Variants in KCNMB2 observed in about 807,000 individuals in gnomAD.
The protein encoded by KCNMB2 is calcium-activated potassium channel subunit beta-2.
Under a neutral mutation model 24.5 loss-of-function variants are expected in KCNMB2, and 9 were observed. The observed-to-expected ratio is 0.37, with a 90% confidence interval of 0.22 to 0.64. The LOEUF (loss-of-function observed/expected upper bound fraction) is 0.64, where lower values mean the gene tolerates loss of function less well. Among genes scored for constraint, KCNMB2 ranks in the 30% least tolerant of loss-of-function variants. KCNMB2 has a pLI of 0.63. For missense variants in KCNMB2, 226 were observed against 284.3 expected (o/e 0.79, Z 1.47); for synonymous variants, 109 against 104.4 (o/e 1.04, Z -0.27).
chr3:178,620,946 T>C lies in KCNMB2; in HGVS notation c.-68+84235T>C, dbSNP rs116622255. 7.8e-3 allele frequency among the ~76,000 whole-genome samples: 1,193 copies of C among 152,318 alleles called. 12 individuals carry two copies. Among genetic ancestry groups the C allele is most frequent in the African/African-American group, 0.027 (1,129 of 41,566 alleles). ...TTGAGATATAAGACCCAAAGCAGTT[T>C]GAAGCCAAATTGAAATTATCACTGT... On this transcript the variant is annotated intron_variant, in intron 1 of 4. Transcript: ENST00000452583.
chr3:178,702,736 C>T (rs1361545753), intron 1 of KCNMB2, among the ~76,000 whole-genome samples: 2 of 152,150 alleles, frequency 1.3e-5, no homozygotes, highest in Non-Finnish European at 2.9e-5. Flanking sequence ...GGATATGAAC[C>T]GAGTCTGAGA....
At chr3:178,777,906 A>C (rs541432854) in intron 1 of KCNMB2, among the ~76,000 whole-genome samples, 2 of 152,146 alleles carry the variant, frequency 1.3e-5, no homozygotes, top group Non-Finnish European at 2.9e-5. Context: ...TGATGAGTAA[A>C]ATACAGATCT....
chr3:178,769,385 C>A (rs1203793759), intron 1 of KCNMB2, among the ~76,000 whole-genome samples: 2 of 152,088 alleles, frequency 1.3e-5, no homozygotes, highest in East Asian at 1.9e-4. Context: ...GACCAGCAAC[C>A]CTCTGCTGGG....
intron 1 of KCNMB2, among the ~76,000 whole-genome samples, chr3:178,566,708 T>C (rs1716535423): frequency 1.3e-5 from 2 of 152,202 alleles, no homozygotes; most frequent in Non-Finnish European, 2.9e-5. Flanking sequence ...TTTAGATAAA[T>C]GTGTACAAAT....
At chr3:178,695,256 C>T (rs1721832974) in intron 1 of KCNMB2, among the ~76,000 whole-genome samples, 3 of 152,302 alleles carry the variant, frequency 2.0e-5, no homozygotes, top group Admixed American at 6.5e-5. Flanking sequence ...GCAGGGGGGC[C>T]CTGGACTCAG....
At chr3:178,556,561 C>T (rs944860216) in intron 1 of KCNMB2, among the ~76,000 whole-genome samples, 2 of 152,138 alleles carry the variant, frequency 1.3e-5, no homozygotes, top group Non-Finnish European at 2.9e-5. Flanking sequence ...CCTGCCACCA[C>T]GCCCAGCTAA....
At chr3:178,609,193 G>C (rs1718387371) in intron 1 of KCNMB2, among the ~76,000 whole-genome samples, 1 of 152,160 alleles carries the variant, frequency 6.6e-6, no homozygotes, top group African/African-American at 2.4e-5. Flanking sequence ...TTTAACTGTG[G>C]TGACATGATA....
chr3:178,690,048 A>G (rs370071939), intron 1 of KCNMB2, among the ~76,000 whole-genome samples: 10 of 152,226 alleles, frequency 6.6e-5, no homozygotes, highest in Non-Finnish European at 1.3e-4. Context: ...TTTATATAAT[A>G]AAAATCTGTG....
chr3:178,721,492 T>C (rs543989944), intron 1 of KCNMB2, among the ~76,000 whole-genome samples: 6 of 152,338 alleles, frequency 3.9e-5, no homozygotes, highest in African/African-American at 1.2e-4. Flanking sequence ...GATATTTCAA[T>C]AGTTGCAGTT....
chr3:178,633,376 T>C (rs1298653560), intron 1 of KCNMB2, among the ~76,000 whole-genome samples: 1 of 152,184 alleles, frequency 6.6e-6, no homozygotes, highest in Non-Finnish European at 1.5e-5. Context: ...ATACAGGCAT[T>C]CCTATAAACC....
chr3:178,714,791 G>T (rs1227199358), intron 1 of KCNMB2, among the ~76,000 whole-genome samples: 1 of 151,384 alleles, frequency 6.6e-6, no homozygotes, highest in African/African-American at 2.4e-5. Context: ...CGTTGGCAAA[G>T]CTTCTGCCCT....
At chr3:178,840,871 A>G (rs536875715) in intron 4 of KCNMB2, among the ~76,000 whole-genome samples, 2 of 152,328 alleles carry the variant, frequency 1.3e-5, no homozygotes, top group South Asian at 4.1e-4. Flanking sequence ...GGCTATTAAC[A>G]TTCAGCTCCT....
chr3:178,742,931 G>A (rs1272833460), intron 1 of KCNMB2, among the ~76,000 whole-genome samples: 1 of 152,158 alleles, frequency 6.6e-6, no homozygotes, highest in African/African-American at 2.4e-5. Flanking sequence ...TGTCCAGGCT[G>A]TCTCAGAGGC....
chr3:178,571,447 G>GATATAT (rs71181237), intron 1 of KCNMB2, among the ~76,000 whole-genome samples: 3,502 of 89,722 alleles, frequency 0.039, 141 homozygotes, highest in Non-Finnish European at 0.053. Flanking sequence ...TTTCCTTATG[G>GATATAT]ATATATATAT....
At chr3:178,691,994 T>C (rs571520333) in intron 1 of KCNMB2, among the ~76,000 whole-genome samples, 8 of 152,344 alleles carry the variant, frequency 5.3e-5, no homozygotes, top group African/African-American at 1.9e-4. Context: ...TTCATTTCTC[T>C]AATGGTCAAT....
chr3:178,782,732 T>C (rs1345337432), intron 1 of KCNMB2, among the ~76,000 whole-genome samples: 2 of 151,252 alleles, frequency 1.3e-5, no homozygotes, highest in African/African-American at 4.9e-5. Flanking sequence ...TTTCTCCCAT[T>C]TTGTAGTTTG....
intron 1 of KCNMB2, among the ~76,000 whole-genome samples, chr3:178,736,833 T>C (rs1723333758): frequency 6.6e-6 from 1 of 152,246 alleles, no homozygotes; most frequent in Admixed American, 6.5e-5. Context: ...ATATGATGCG[T>C]GAAATGTCCC....
intron 1 of KCNMB2, among the ~76,000 whole-genome samples, chr3:178,755,394 A>G (rs533050955): frequency 1.1e-4 from 17 of 152,318 alleles, no homozygotes; most frequent in Middle Eastern, 6.8e-3. Context: ...ACCCTTTAAC[A>G]GTTGTGATCT....
At chr3:178,543,093 G>A (rs948462902) in intron 1 of KCNMB2, among the ~76,000 whole-genome samples, 2 of 152,126 alleles carry the variant, frequency 1.3e-5, no homozygotes, top group African/African-American at 2.4e-5. Flanking sequence ...GCAAGATTTG[G>A]TTTAAAGGTC....
Sources: gnomAD v4.1 joint callset for allele counts (sites outside exome capture counted in the v4.1 genomes callset) on GRCh38, gnomAD v4.1.1 for gene constraint, MANE v1.5 for transcripts, NCBI Gene and HGNC (gene_info 2026-07-23, HGNC 2026-07-21) for gene names.